ALDH3B1: variants seen among roughly 807,000 people sequenced by gnomAD.
ALDH3B1 encodes the protein aldehyde dehydrogenase family 3 member B1.
Under a neutral mutation model 46.2 loss-of-function variants are expected in ALDH3B1, and 37 were observed. The observed-to-expected ratio is 0.80, with a 90% CI of 0.62 to 1.05. The LOEUF is 1.05. ALDH3B1 is among the 50% of genes least tolerant of loss of function. The pLI, the probability that ALDH3B1 is intolerant of heterozygous loss-of-function variation, is 0.00. For missense variants in ALDH3B1, 603 were observed against 665.5 expected, an observed-to-expected ratio of 0.91 and a Z score of 1.03; for synonymous variants, 283 against 281.0, an observed-to-expected ratio of 1.01 and a Z score of -0.07.
intron 1 of ALDH3B1, among the ~76,000 whole-genome samples, chr11:68,013,464 G>A (rs1857276677): frequency 6.6e-6 from 1 of 152,228 alleles, no homozygotes; most frequent in Non-Finnish European, 1.5e-5. Flanking sequence ...TTGACCACTG[G>A]CAGAAGTCTG....
intron 6 of ALDH3B1, among the ~76,000 whole-genome samples, chr11:68,020,657 G>A (rs551789648): frequency 1.4e-4 from 21 of 152,318 alleles, no homozygotes; most frequent in South Asian, 2.1e-4. Flanking sequence ...TGACCTGGCC[G>A]CCTCCCAGCA....
intron 6 of ALDH3B1, among the ~76,000 whole-genome samples, chr11:68,020,340 G>A (rs568052061): frequency 6.6e-6 from 1 of 152,152 alleles, no homozygotes; most frequent in East Asian, 1.9e-4. Context: ...TTCAAGTGAT[G>A]CTCATGCCTC....
At chr11:68,011,295 C>T (rs931692986) in intron 1 of ALDH3B1, among the ~76,000 whole-genome samples, 1 of 152,294 alleles carries the variant, frequency 6.6e-6, no homozygotes, top group African/African-American at 2.4e-5. Flanking sequence ...AATACCGGAT[C>T]GCTGCAGACT....
chr11:68,018,496 G>C (rs1857403056), intron 2 of ALDH3B1, 31 bp from the exon 3 acceptor site: 1 of 1,521,592 alleles, frequency 6.6e-7, no homozygotes, highest in East Asian at 2.4e-5. Flanking sequence ...TGGGAATCCT[G>C]GCCCACCCTG....
intron 8 of ALDH3B1, 102 bp from the exon 9 acceptor site, chr11:68,025,907 A>T: frequency 1.2e-6 from 1 of 810,832 alleles, no homozygotes; most frequent in Non-Finnish European, 1.8e-6. Flanking sequence ...ACCCTTTCTG[A>T]GGCAAGATCA....
rs142335807 is a variant in ALDH3B1 at position 68,011,294 on chromosome 11, T to C, written c.-2+902T>C. 4.9e-3 allele frequency among the ~76,000 whole-genome samples: 742 copies of C among 152,308 alleles called. 4 individuals are homozygous for C. Among genetic ancestry groups the C allele is most frequent in the Middle Eastern group, 0.017 (5 of 294 alleles). ...AAACACCAAACCGCCTAATACCGGA[T>C]CGCTGCAGACTGCTTTTTTCTAAGC... On this transcript the variant is annotated intron_variant, in intron 1 of 9. Coordinates refer to ENST00000342456, the MANE Select transcript of ALDH3B1 (RefSeq NM_000694.4).
At chr11:68,023,147 C>A (rs1468562771) in intron 8 of ALDH3B1, among the ~76,000 whole-genome samples, 1 of 152,194 alleles carries the variant, frequency 6.6e-6, no homozygotes, top group African/African-American at 2.4e-5. Flanking sequence ...CAAGAATGAG[C>A]CCTGATCCCC....
At position 68,018,580 on chromosome 11, in the gene ALDH3B1, C is replaced by T. The variant is rs746611472; in HGVS notation, c.216C>T (p.Thr72=). 3.2e-6 allele frequency: 5 copies of T among 1,585,002 alleles called. No homozygotes were observed. Among genetic ancestry groups the T allele is most frequent in the Non-Finnish European group, 4.3e-6 (5 of 1,166,098 alleles). Residue 72 remains threonine (T), a synonymous_variant, in exon 3 of 10, where the codon ACC becomes ACT. Transcript: ENST00000342456. ...SEVAISQGEV[T]LALRNLRAWM... ...TTGCCATCAGCCAGGGCGAGGTCAC[C>T]CTGGCCCTCAGGAACCTCCGGGCCT...
At position 68,019,812 on chromosome 11, in the gene ALDH3B1, G is replaced by A. The variant is rs1408065023; in HGVS notation, c.562+16G>A. 6 of 1,613,480 alleles carry A rather than the reference G, an allele frequency of 3.7e-6. No individual in the cohort carries two copies. The highest frequency in any genetic ancestry group is 4.2e-6 in the Non-Finnish European group (5 of 1,179,542). ...TTCTTCACAGGTGAGGCCGGGACGA[G>A]GGTCGGGACAGGCTGGGGTCGGGGA... is the stretch of plus-strand genomic sequence containing the variant. On this transcript the variant is annotated intron_variant, in intron 6 of 9. Transcript: ENST00000342456.
At chr11:68,014,939 C>T (rs545735115) in intron 1 of ALDH3B1, 26 of 227,236 alleles carry the variant, frequency 1.1e-4, no homozygotes, top group Admixed American at 8.8e-4. Context: ...AATTTCTGTG[C>T]GGCAGGAAGA....
At chr11:68,015,008 A>G in intron 1 of ALDH3B1, 1 of 348,046 alleles carries the variant, frequency 2.9e-6, no homozygotes, top group East Asian at 4.4e-5. Context: ...AGCTGTCCCC[A>G]AGCCCACACC....
chr11:68,023,970 T>TTAA (rs1820741477), intron 8 of ALDH3B1, among the ~76,000 whole-genome samples: 1 of 135,144 alleles, frequency 7.4e-6, no homozygotes, highest in Non-Finnish European at 1.6e-5. Context: ...TCCTGACCCA[T>TTAA]AAAAAAAAAA....
At chr11:68,015,501 G>A in intron 2 of ALDH3B1, 42 bp downstream of exon 2, 1 of 1,559,182 alleles carries the variant, frequency 6.4e-7, no homozygotes, top group Non-Finnish European at 8.7e-7. Context: ...ACTGGGGCAG[G>A]GGGGCATGGA....
At chr11:68,013,591 C>T (rs1338480001) in intron 1 of ALDH3B1, among the ~76,000 whole-genome samples, 1 of 152,208 alleles carries the variant, frequency 6.6e-6, no homozygotes, top group African/African-American at 2.4e-5. Context: ...TTTCTGTGGG[C>T]ACAACAGCAA....
intron 8 of ALDH3B1, among the ~76,000 whole-genome samples, chr11:68,023,952 G>A (rs1857564612): frequency 6.7e-6 from 1 of 149,610 alleles, no homozygotes; most frequent in Non-Finnish European, 1.5e-5. Flanking sequence ...GGCTGAGGTG[G>A]AAGGATCTCC....
At position 68,021,959 on chromosome 11, in the gene ALDH3B1, G is replaced by A. The variant is rs548874318; in HGVS notation, c.949+88G>A. The A allele has an allele frequency of 4.0e-5, 60 of 1,512,562 alleles. No individual in the cohort carries two copies. The Middle Eastern group carries it at 7.4e-4, about 19-fold the overall frequency. 93.7% of individuals were successfully genotyped at this position (1,512,562 alleles called of 1,614,324 possible). ...AAGGCTGGGCCACAACTCTGGACCC[G>A]CGCCTGAAACCTGGCCCCACTGCCA... On this transcript the variant is annotated intron_variant, in intron 7 of 9. Coordinates refer to ENST00000342456, the MANE Select transcript of ALDH3B1 (RefSeq NM_000694.4).
In ALDH3B1 at chr11:68,027,833, G is replaced by A; in HGVS notation, c.1301G>A (p.Gly434Glu). The A allele has an allele frequency of 1.3e-6, 2 of 1,555,236 alleles. No individual in the cohort carries two copies. Among genetic ancestry groups the A allele is most frequent in the Non-Finnish European group, 1.7e-6 (2 of 1,149,450 alleles). The change falls in exon 10 of 10, where the codon GGG becomes GAG. Residue 434 changes from glycine (G) to glutamate (E), a missense_variant. By Grantham distance (98) the Gly-to-Glu change is moderately conservative (BLOSUM62 -2). Transcript: ENST00000342456. ...HHRACLLRSP[G>E]MEKLNALRYP... is the part of the protein sequence containing the mutation. ...CGCGCCTGCCTCCTGCGCAGCCCGG[G>A]GATGGAGAAGCTCAACGCCCTCCGC...
chr11:68,027,830 C>A lies in ALDH3B1; in HGVS notation c.1298C>A (p.Pro433Gln), dbSNP rs760001254. 1 of 1,556,146 alleles carries A rather than the reference C, an allele frequency of 6.4e-7. No homozygotes were observed. The highest frequency in any genetic ancestry group is 2.4e-5 in the East Asian group (1 of 41,762). The change falls in exon 10 of 10, where the codon CCG (proline) becomes CAG (glutamine). Residue 433 changes from proline (P) to glutamine (Q), a missense_variant. Physicochemically the swap from Pro to Gln is moderately conservative, Grantham distance 76. Transcript: ENST00000342456. ...SHHRACLLRS[P>Q]GMEKLNALRY... ...CATCGCGCCTGCCTCCTGCGCAGCC[C>A]GGGGATGGAGAAGCTCAACGCCCTC...
rs150138751 is a variant in ALDH3B1 at position 68,010,396 on chromosome 11, G to C, written c.-2+4G>C. On this transcript the variant is annotated splice_donor_region_variant and intron_variant, in intron 1 of 9. Coordinates refer to ENST00000342456, the MANE Select transcript of ALDH3B1 (RefSeq NM_000694.4). ...GGGCAGCTTGGCAGAGCCTCAGGTA[G>C]AGTATCCCGGGGAGGCTGGGGCTGT... 439 of 153,074 alleles carry C rather than the reference G, an allele frequency of 2.9e-3. 1 individual carries two copies. The Middle Eastern group carries it at 0.037, about 13-fold the overall frequency. The allele number at this position is 153,074 out of a possible 1,614,324, so 9.5% of individuals were successfully genotyped here. A position where few individuals can be genotyped will look rare whatever the true frequency, so the allele number is the denominator to read the frequency against.
Sources: allele counts gnomAD v4.1 joint callset (sites outside exome capture counted in the v4.1 genomes callset), GRCh38; gene constraint gnomAD v4.1.1; transcripts MANE v1.5; gene names NCBI Gene and HGNC (gene_info 2026-07-23, HGNC 2026-07-21).